Variants in CDKAL1 observed in about 807,000 individuals in gnomAD.
The protein encoded by CDKAL1 is CDKAL1 threonylcarbamoyladenosine tRNA methylthiotransferase.
In CDKAL1, 32 loss-of-function variants were observed where a neutral mutation model predicts 68.2. The ratio of observed to expected loss-of-function variants is 0.47; its 90% CI spans 0.35 to 0.63. The LOEUF (loss-of-function observed/expected upper bound fraction) is 0.63, where lower values mean the gene tolerates loss of function less well. CDKAL1 is among the 30% of genes least tolerant of loss of function. The probability of loss-of-function intolerance (pLI) is 0.00; values close to 1 mark genes in which losing one functional copy is unlikely to be tolerated. For missense variants in CDKAL1, 606 were observed against 696.7 expected (o/e 0.87, Z 1.47); for synonymous variants, 234 against 244.3 (o/e 0.96, Z 0.39).
At chr6:21,128,123 G>A (rs1003663423) in intron 13 of CDKAL1, among the ~76,000 whole-genome samples, 2 of 152,184 alleles carry the variant, frequency 1.3e-5, no homozygotes, top group South Asian at 4.1e-4. Flanking sequence ...AGCAATACAT[G>A]TTCAGTGGAA....
chr6:20,577,230 T>C (rs1764951883), intron 4 of CDKAL1, among the ~76,000 whole-genome samples: 1 of 152,224 alleles, frequency 6.6e-6, no homozygotes, highest in African/African-American at 2.4e-5. Flanking sequence ...TTATGAACTA[T>C]TTGACAGAGA....
intron 10 of CDKAL1, among the ~76,000 whole-genome samples, chr6:20,986,741 A>G (rs1254842800): frequency 4.6e-5 from 7 of 152,178 alleles, no homozygotes; most frequent in Admixed American, 2.6e-4. Flanking sequence ...AAGTGGTATT[A>G]TTAGACTTAG....
intron 10 of CDKAL1, among the ~76,000 whole-genome samples, chr6:20,985,858 G>T (rs1280630661): frequency 6.6e-6 from 1 of 151,108 alleles, no homozygotes; most frequent in African/African-American, 2.4e-5. Flanking sequence ...TTTAAGAGGT[G>T]GGGGAGAGAA....
At chr6:21,153,956 C>T (rs1307965358) in intron 13 of CDKAL1, among the ~76,000 whole-genome samples, 5 of 152,060 alleles carry the variant, frequency 3.3e-5, no homozygotes, top group South Asian at 2.1e-4. Flanking sequence ...TCCAAAGGGG[C>T]GGGGAGACTC....
intron 8 of CDKAL1, among the ~76,000 whole-genome samples, chr6:20,806,880 G>C (rs990960283): frequency 6.6e-6 from 1 of 152,204 alleles, no homozygotes; most frequent in African/African-American, 2.4e-5. Context: ...AATCTGCTAA[G>C]ATGTGTTACA....
intron 5 of CDKAL1, among the ~76,000 whole-genome samples, chr6:20,684,673 C>T (rs957473589): frequency 6.6e-6 from 1 of 152,264 alleles, no homozygotes; most frequent in East Asian, 1.9e-4. Flanking sequence ...CGCATCCTTG[C>T]CAACATTTGG....
At chr6:21,019,043 C>T (rs569923828) in intron 11 of CDKAL1, among the ~76,000 whole-genome samples, 14 of 152,262 alleles carry the variant, frequency 9.2e-5, no homozygotes, top group Admixed American at 2.6e-4. Flanking sequence ...CCACCTGCCA[C>T]GTTCAAGCAA....
Position 20,728,336 on chromosome 6 carries a change from G to T in CDKAL1, c.372-11183G>T, listed in dbSNP as rs557557095. Among the ~76,000 whole-genome samples, 13 of 152,196 alleles carry T rather than the reference G, an allele frequency of 8.5e-5. 1 individual carries two copies. The South Asian group carries it at 2.3e-3, about 27-fold the overall frequency. ...GAATTTCAAAAATCATATATAAAAG[G>T]AAGTTGTTGATTTTCATCGTTTACT... On this transcript the variant is annotated intron_variant, in intron 5 of 15. Transcript: ENST00000274695.
chr6:20,733,234 C>T (rs1773037579), intron 5 of CDKAL1, among the ~76,000 whole-genome samples: 1 of 152,216 alleles, frequency 6.6e-6, no homozygotes, highest in African/African-American at 2.4e-5. Flanking sequence ...TTGCCATCTC[C>T]ACATCTCTGT....
intron 10 of CDKAL1, among the ~76,000 whole-genome samples, chr6:20,959,889 A>G (rs767861307): frequency 2.6e-5 from 4 of 152,206 alleles, no homozygotes; most frequent in Non-Finnish European, 4.4e-5. Context: ...CAGCTAAAGT[A>G]TTAATTCAGA....
At chr6:20,840,525 A>G (rs1196028059) in intron 8 of CDKAL1, among the ~76,000 whole-genome samples, 1 of 152,248 alleles carries the variant, frequency 6.6e-6, no homozygotes, top group African/African-American at 2.4e-5. Context: ...TCACAATTGA[A>G]GATAGAGACA....
chr6:21,162,499 G>C (rs1208145450), intron 13 of CDKAL1, among the ~76,000 whole-genome samples: 1 of 152,202 alleles, frequency 6.6e-6, no homozygotes, highest in African/African-American at 2.4e-5. Flanking sequence ...CTTGAGATTT[G>C]AGTTAGCAGA....
At chr6:21,068,840 GAAGTAT>G (rs1269713382) in intron 12 of CDKAL1, among the ~76,000 whole-genome samples, 1 of 152,084 alleles carries the variant, frequency 6.6e-6, no homozygotes, top group Non-Finnish European at 1.5e-5. Flanking sequence ...GTCCTTAAAT[GAAGTAT>G]ATGTCTCCAT....
intron 13 of CDKAL1, among the ~76,000 whole-genome samples, chr6:21,156,126 A>G (rs992574725): frequency 2.0e-5 from 3 of 152,172 alleles, no homozygotes; most frequent in African/African-American, 4.8e-5. Context: ...TTTGCTTAGG[A>G]AAAATAAGAC....
At chr6:21,003,200 T>A (rs1449381674) in intron 11 of CDKAL1, among the ~76,000 whole-genome samples, 5 of 150,568 alleles carry the variant, frequency 3.3e-5, no homozygotes, top group African/African-American at 1.2e-4. Flanking sequence ...ATTATGGACA[T>A]TTAGAAGTAG....
At chr6:21,130,714 C>A (rs1381107027) in intron 13 of CDKAL1, among the ~76,000 whole-genome samples, 1 of 152,140 alleles carries the variant, frequency 6.6e-6, no homozygotes, top group Non-Finnish European at 1.5e-5. Flanking sequence ...TTGGCTTGAC[C>A]TTTTTACTTG....
At chr6:20,774,543 C>T (rs923882825) in intron 7 of CDKAL1, among the ~76,000 whole-genome samples, 31 of 152,108 alleles carry the variant, frequency 2.0e-4, no homozygotes, top group African/African-American at 7.0e-4. Context: ...TAACACCATC[C>T]AATGCAAGTA....
intron 5 of CDKAL1, among the ~76,000 whole-genome samples, chr6:20,710,717 A>T (rs1352379393): frequency 6.6e-6 from 1 of 152,236 alleles, no homozygotes; most frequent in Non-Finnish European, 1.5e-5. Context: ...TACAGAGTCA[A>T]TATAAAAGGT....
chr6:21,226,035 T>G (rs951105347), intron 15 of CDKAL1, among the ~76,000 whole-genome samples: 1 of 152,212 alleles, frequency 6.6e-6, no homozygotes, highest in African/African-American at 2.4e-5. Context: ...AAAATTTGCC[T>G]GAGAATCCTC....
Sources: allele counts gnomAD v4.1 joint callset (sites outside exome capture counted in the v4.1 genomes callset), GRCh38; gene constraint gnomAD v4.1.1; transcripts MANE v1.5; gene names NCBI Gene and HGNC (gene_info 2026-07-23, HGNC 2026-07-21).